Variants in GALNTL6 observed in about 807,000 individuals in gnomAD.
The protein encoded by GALNTL6 is polypeptide N-acetylgalactosaminyltransferase like 6.
A neutral mutation model predicts 73.7 loss-of-function variants in GALNTL6; 46 were observed. That is an observed-to-expected ratio of 0.62 (90% CI 0.49 to 0.80). The LOEUF (loss-of-function observed/expected upper bound fraction) is 0.80, where lower values mean the gene tolerates loss of function less well. Among genes scored for constraint, GALNTL6 ranks in the 30% least tolerant of loss-of-function variants. The pLI is 0.00. For missense variants in GALNTL6, 604 were observed against 755.0 expected (o/e 0.80, Z 2.34); for synonymous variants, 259 against 263.7 (o/e 0.98, Z 0.17).
At chr4:172,086,276 C>T (rs959221129) in intron 2 of GALNTL6, among the ~76,000 whole-genome samples, 3 of 151,948 alleles carry the variant, frequency 2.0e-5, no homozygotes, top group African/African-American at 4.8e-5. Flanking sequence ...GATCTATTTG[C>T]AATATATTCA....
chr4:172,067,564 C>A (rs1579105442), intron 2 of GALNTL6, among the ~76,000 whole-genome samples: 1 of 44,390 alleles, frequency 2.3e-5, no homozygotes, highest in South Asian at 4.9e-4. Flanking sequence ...TCTTGATGTC[C>A]ACCCCATCCC....
At chr4:171,964,104 C>G (rs1444629840) in intron 2 of GALNTL6, among the ~76,000 whole-genome samples, 1 of 152,056 alleles carries the variant, frequency 6.6e-6, no homozygotes, top group African/African-American at 2.4e-5. Flanking sequence ...TCTCACTGCC[C>G]AGTGGAAATT....
chr4:172,022,141 A>G (rs975016571), intron 2 of GALNTL6, among the ~76,000 whole-genome samples: 4 of 152,056 alleles, frequency 2.6e-5, no homozygotes, highest in Non-Finnish European at 5.9e-5. Flanking sequence ...CAATAAGGTG[A>G]AGAGACAACC....
intron 5 of GALNTL6, among the ~76,000 whole-genome samples, chr4:172,427,585 G>A (rs1731278809): frequency 6.6e-6 from 1 of 152,108 alleles, no homozygotes; most frequent in Admixed American, 6.6e-5. Context: ...GCTCAATAAT[G>A]TTAGGAAAAA....
intron 5 of GALNTL6, among the ~76,000 whole-genome samples, chr4:172,603,399 A>G (rs1179709989): frequency 6.6e-6 from 1 of 152,206 alleles, no homozygotes; most frequent in African/African-American, 2.4e-5. Context: ...TCCCACAGGC[A>G]GGCCATTTTA....
At chr4:172,051,333 G>A (rs1730856714) in intron 2 of GALNTL6, among the ~76,000 whole-genome samples, 1 of 152,130 alleles carries the variant, frequency 6.6e-6, no homozygotes, top group Admixed American at 6.6e-5. Flanking sequence ...GTCCACAGAT[G>A]GCTTAAGTGT....
chr4:172,641,280 A>T (rs1739963202), intron 5 of GALNTL6, among the ~76,000 whole-genome samples: 2 of 151,954 alleles, frequency 1.3e-5, no homozygotes, highest in South Asian at 2.1e-4. Flanking sequence ...AGACTATATT[A>T]CTCTTCTATT....
intron 5 of GALNTL6, among the ~76,000 whole-genome samples, chr4:172,790,617 C>T (rs1739937814): frequency 6.6e-6 from 1 of 152,132 alleles, no homozygotes; most frequent in South Asian, 2.1e-4. Context: ...CTAATAAAAG[C>T]ATCAGTTCTC....
chr4:172,197,862 C>A (rs894767640), intron 2 of GALNTL6, among the ~76,000 whole-genome samples: 3 of 152,120 alleles, frequency 2.0e-5, no homozygotes, highest in African/African-American at 7.2e-5. Context: ...GTAATCCCAG[C>A]ACTTTGGAAG....
chr4:172,206,878 T>C (rs1003457393), intron 2 of GALNTL6, among the ~76,000 whole-genome samples: 9 of 142,108 alleles, frequency 6.3e-5, no homozygotes, highest in Admixed American at 2.3e-4. Flanking sequence ...AGTGCAGTGG[T>C]GTGATCTCCA....
chr4:171,916,709 C>T (rs1402852010), intron 2 of GALNTL6, among the ~76,000 whole-genome samples: 1 of 152,012 alleles, frequency 6.6e-6, no homozygotes, highest in Non-Finnish European at 1.5e-5. Flanking sequence ...CTTACTTGAA[C>T]ATTACTTTAG....
intron 4 of GALNTL6, among the ~76,000 whole-genome samples, chr4:172,325,593 A>T (rs889662718): frequency 6.6e-5 from 10 of 151,966 alleles, no homozygotes; most frequent in African/African-American, 2.2e-4. Context: ...GTAATTTTCA[A>T]TGTACCTAAA....
intron 2 of GALNTL6, among the ~76,000 whole-genome samples, chr4:171,996,035 G>A (rs1740475690): frequency 6.6e-6 from 1 of 151,850 alleles, no homozygotes; most frequent in Admixed American, 6.6e-5. Context: ...CCTCTAAATG[G>A]CCTCTTACGA....
At chr4:172,608,297 TA>T (rs1407012709) in intron 5 of GALNTL6, among the ~76,000 whole-genome samples, 1 of 152,146 alleles carries the variant, frequency 6.6e-6, no homozygotes, top group Non-Finnish European at 1.5e-5. Context: ...CACCTTGAGT[TA>T]TTTTTTTATA....
chr4:172,904,084 C>T (rs1278751318), intron 8 of GALNTL6, among the ~76,000 whole-genome samples: 1 of 152,102 alleles, frequency 6.6e-6, no homozygotes, highest in African/African-American at 2.4e-5. Context: ...GTTTTTGTAA[C>T]TGTATGTCAT....
chr4:172,483,141 A>G (rs1188804942), intron 5 of GALNTL6, among the ~76,000 whole-genome samples: 1 of 152,188 alleles, frequency 6.6e-6, no homozygotes. Flanking sequence ...ATTACTTACT[A>G]AATGTCTTGG....
At chr4:172,695,062 T>C (rs1335475010) in intron 5 of GALNTL6, among the ~76,000 whole-genome samples, 4 of 152,174 alleles carry the variant, frequency 2.6e-5, no homozygotes, top group Admixed American at 2.0e-4. Flanking sequence ...CCTCAAAAAC[T>C]TTTGCAAAAA....
At chr4:172,865,962 A>T (rs1301178615) in intron 7 of GALNTL6, among the ~76,000 whole-genome samples, 3 of 152,218 alleles carry the variant, frequency 2.0e-5, no homozygotes, top group African/African-American at 7.2e-5. Context: ...CCAAAGACAC[A>T]AACCTTCTAA....
chr4:172,160,070 G>A (rs1734403719), intron 2 of GALNTL6, among the ~76,000 whole-genome samples: 1 of 152,058 alleles, frequency 6.6e-6, no homozygotes, highest in Non-Finnish European at 1.5e-5. Flanking sequence ...AGGAGGGGAA[G>A]GCTTGGATAA....
Sources: gnomAD v4.1 joint callset for allele counts (sites outside exome capture counted in the v4.1 genomes callset) on GRCh38, gnomAD v4.1.1 for gene constraint, MANE v1.5 for transcripts, NCBI Gene and HGNC (gene_info 2026-07-23, HGNC 2026-07-21) for gene names.